The following TMEM220 variants were observed in gnomAD, a reference collection of about 807,000 sequenced individuals.
The protein encoded by TMEM220 is transmembrane protein 220.
A neutral mutation model predicts 21.7 loss-of-function variants in TMEM220; 21 were observed. That is an observed-to-expected ratio of 0.97 (90% CI 0.69 to 1.39). The LOEUF is 1.39. TMEM220 is among the 40% of genes most tolerant of loss of function. TMEM220 has a pLI of 0.00. For missense variants in TMEM220, 191 were observed against 201.9 expected, an observed-to-expected ratio of 0.95 and a Z score of 0.33; for synonymous variants, 80 against 73.6, an observed-to-expected ratio of 1.09 and a Z score of -0.45.
At position 10,729,950 on chromosome 17, in the gene TMEM220, A is replaced by C; in HGVS notation, c.-99T>G. ...CCTTCCTCCTTGCGCGGAGGGACCG[A>C]GACCCCCGCCTCGGTTTCGGTGCCT... On this transcript the variant is annotated 5_prime_UTR_variant, in exon 1 of 6. Coordinates refer to ENST00000341871, the MANE Select transcript of TMEM220 (RefSeq NM_001004313.3). 8.1e-7 allele frequency: 1 copy of C among 1,233,474 alleles called. No individual in the cohort carries two copies. The allele number at this position is 1,233,474 out of a possible 1,614,324, so 76.4% of individuals were successfully genotyped here.
intron 2 of TMEM220, 92 bp from the exon 3 acceptor site, chr17:10,726,356 T>A: frequency 1.9e-6 from 2 of 1,026,888 alleles, no homozygotes; most frequent in Non-Finnish European, 3.1e-6. Flanking sequence ...AAAGATGAGA[T>A]CAGTGGCTGC....
downstream of TMEM220, chr17:10,711,336 C>A (rs551768488): frequency 1.9e-5 from 11 of 588,662 alleles, no homozygotes; most frequent in Admixed American, 2.5e-4. Flanking sequence ...AAGTTAGAAA[C>A]AAACCAGGGA....
At chr17:10,719,220 T>G (rs1227355342) in intron 5 of TMEM220, among the ~76,000 whole-genome samples, 4 of 152,200 alleles carry the variant, frequency 2.6e-5, no homozygotes, top group Non-Finnish European at 5.9e-5. Flanking sequence ...AATATGAAAT[T>G]GGACATGTTC....
At chr17:10,721,942 T>G (rs1220262876) in intron 5 of TMEM220, among the ~76,000 whole-genome samples, 1 of 151,076 alleles carries the variant, frequency 6.6e-6, no homozygotes, top group Non-Finnish European at 1.5e-5. Flanking sequence ...TCTTTCTATA[T>G]CAGTACAGTT....
chr17:10,726,114 G>T, intron 3 of TMEM220, 90 bp downstream of exon 3: 1 of 1,059,214 alleles, frequency 9.4e-7, no homozygotes, highest in Non-Finnish European at 1.5e-6. Context: ...AGAGAGCCCC[G>T]TTTTACTCCT....
At position 10,729,826 on chromosome 17, in the gene TMEM220, C is replaced by T. The variant is rs774786391; in HGVS notation, c.26G>A (p.Cys9Tyr). The change falls in exon 1 of 6, where the codon TGC (cysteine) becomes TAC (tyrosine). Residue 9 changes from cysteine (C) to tyrosine (Y), a missense_variant. Coordinates refer to ENST00000341871, the MANE Select transcript of TMEM220 (RefSeq NM_001004313.3). MAPALWRACNGLMAAFFAL... is the reference protein window; with the variant it reads MAPALWRAYNGLMAAFFAL... ...GAAGAAGGCGGCCATGAGTCCGTTGCAGGCCCGCCACAGCGCTGGCGCCAT... is the reference window on the plus strand; with the variant it reads ...GAAGAAGGCGGCCATGAGTCCGTTGTAGGCCCGCCACAGCGCTGGCGCCAT... The T allele has an allele frequency of 4.3e-6, 6 of 1,394,518 alleles. No homozygotes were observed. The highest frequency in any genetic ancestry group is 2.5e-5 in the Admixed American group (1 of 40,500). 86.4% of individuals were successfully genotyped at this position (1,394,518 alleles called of 1,614,324 possible). A position where few individuals can be genotyped will look rare whatever the true frequency, so the allele number is the denominator to read the frequency against.
intron 1 of TMEM220, among the ~76,000 whole-genome samples, chr17:10,729,361 G>T (rs1360986762): frequency 6.6e-6 from 1 of 152,120 alleles, no homozygotes; most frequent in Admixed American, 6.5e-5. Context: ...CCAGTCTCAA[G>T]AAATGAGGGA....
Position 10,714,354 on chromosome 17 carries a change from C to G in TMEM220, c.*1099G>C, listed in dbSNP as rs1280898065. 1 of 149,994 alleles carries G rather than the reference C, an allele frequency of 6.7e-6. No individual in the cohort carries two copies. The highest frequency in any genetic ancestry group is 1.5e-5 in the Non-Finnish European group (1 of 67,640). 9.3% of individuals were successfully genotyped at this position (149,994 alleles called of 1,614,324 possible). ...ACACAATTGTAAGTTTTCCAATAAT[C>G]AAGTATCCATTTTTAAATGAAAATG... On this transcript the variant is annotated 3_prime_UTR_variant, in exon 6 of 6. Coordinates refer to ENST00000341871, the MANE Select transcript of TMEM220 (RefSeq NM_001004313.3).
intron 2 of TMEM220, among the ~76,000 whole-genome samples, chr17:10,728,485 T>C (rs1173994838): frequency 3.3e-5 from 5 of 151,974 alleles, no homozygotes; most frequent in African/African-American, 1.2e-4. Flanking sequence ...AATTTTTGTA[T>C]TTTTTGGTGG....
intron 2 of TMEM220, among the ~76,000 whole-genome samples, chr17:10,727,755 C>T (rs1438259135): frequency 6.6e-6 from 1 of 152,136 alleles, no homozygotes. Context: ...ATCCTTGTTG[C>T]TCCTCTGTCA....
intron 5 of TMEM220, among the ~76,000 whole-genome samples, chr17:10,722,105 G>C (rs1032462930): frequency 6.6e-6 from 1 of 151,548 alleles, no homozygotes; most frequent in Non-Finnish European, 1.5e-5. Flanking sequence ...CGATTCTCTT[G>C]CCTCAGCCTC....
chr17:10,722,247 G>C (rs939670756), intron 5 of TMEM220, among the ~76,000 whole-genome samples: 14 of 151,992 alleles, frequency 9.2e-5, no homozygotes, highest in Admixed American at 6.6e-5. Context: ...CGCCTGCCTC[G>C]GCCTCCCAAA....
intron 5 of TMEM220, 118 bp downstream of exon 5, chr17:10,723,152 C>T: frequency 2.3e-6 from 2 of 870,382 alleles, no homozygotes; most frequent in Non-Finnish European, 1.9e-6. Flanking sequence ...GGCTAATTTT[C>T]TGTATTTTAG....
chr17:10,711,637 G>A (rs1247315753), downstream of TMEM220, among the ~76,000 whole-genome samples: 5 of 152,108 alleles, frequency 3.3e-5, no homozygotes, highest in East Asian at 5.8e-4. Flanking sequence ...ACGGGTAAGC[G>A]TGTGGCACTC....
intron 5 of TMEM220, among the ~76,000 whole-genome samples, chr17:10,717,791 C>T (rs1248102210): frequency 6.6e-6 from 1 of 151,724 alleles, no homozygotes; most frequent in Non-Finnish European, 1.5e-5. Context: ...CTAGAGTTTT[C>T]CTTTAGGAAA....
chr17:10,712,205 C>T (rs2074858551), downstream of TMEM220, among the ~76,000 whole-genome samples: 1 of 152,190 alleles, frequency 6.6e-6, no homozygotes. Context: ...TGGCTCATGG[C>T]CCCTTCTTCT....
intron 2 of TMEM220, 69 bp downstream of exon 2, chr17:10,728,962 A>G (rs1597536135): frequency 6.5e-7 from 1 of 1,546,144 alleles, no homozygotes; most frequent in East Asian, 2.2e-5. Flanking sequence ...AAAGACATAA[A>G]ACCGTGTGTT....
Position 10,729,921 on chromosome 17 carries a change from TCCGC to T in TMEM220, c.-74_-71del. 8.0e-7 allele frequency: 1 copy of T among 1,248,204 alleles called. No individual in the cohort carries two copies. The highest frequency in any genetic ancestry group is 1.0e-6 in the Non-Finnish European group (1 of 994,854). The allele number at this position is 1,248,204 out of a possible 1,614,324, so 77.3% of individuals were successfully genotyped here. A position where few individuals can be genotyped will look rare whatever the true frequency, so the allele number is the denominator to read the frequency against. On this transcript the variant is annotated 5_prime_UTR_variant, in exon 1 of 6. Transcript: ENST00000341871. ...GGGCGGTGAGTCCTGCCACGTACGG[TCCGC>T]CTTCCTCCTTGCGCGGAGGGACCGA... is the stretch of plus-strand genomic sequence containing the variant.
At chr17:10,724,924 A>G in intron 4 of TMEM220, 87 bp downstream of exon 4, 2 of 1,558,278 alleles carry the variant, frequency 1.3e-6, no homozygotes, top group Middle Eastern at 1.8e-4. Context: ...TTCAGTTATC[A>G]TTGTGCACAG....
Sources: allele counts gnomAD v4.1 joint callset (sites outside exome capture counted in the v4.1 genomes callset), GRCh38; gene constraint gnomAD v4.1.1; transcripts MANE v1.5; gene names NCBI Gene and HGNC (gene_info 2026-07-23, HGNC 2026-07-21).